Variants in PIEZO2 observed in about 807,000 individuals in gnomAD.
The protein encoded by PIEZO2 is piezo type mechanosensitive ion channel component 2, also known as piezo-type mechanosensitive ion channel component 2.
In PIEZO2, 172 loss-of-function variants were observed where a neutral mutation model predicts 337.3. The observed-to-expected ratio is 0.51, with a 90% CI of 0.45 to 0.58. PIEZO2 has a LOEUF of 0.58. Ranked by LOEUF, PIEZO2 falls within the 20% of genes least tolerant of loss-of-function variation. The pLI, the probability that PIEZO2 is intolerant of heterozygous loss-of-function variation, is 0.00. For missense variants in PIEZO2, 3,028 were observed against 3,391.3 expected (o/e 0.89, Z 2.66); for synonymous variants, 1,251 against 1,228.5 (o/e 1.02, Z -0.38).
chr18:10,994,490 A>G, intron 2 of PIEZO2, among the ~76,000 whole-genome samples: 1 of 147,944 alleles, frequency 6.8e-6, no homozygotes, highest in Middle Eastern at 3.2e-3. Flanking sequence ...GCTCACTGCA[A>G]CCTCCGCCTC....
At chr18:10,902,578 T>A (rs530906014) in intron 4 of PIEZO2, among the ~76,000 whole-genome samples, 1 of 152,190 alleles carries the variant, frequency 6.6e-6, no homozygotes, top group South Asian at 2.1e-4. Flanking sequence ...CAAAAACGTA[T>A]GAGCCACAGA....
At chr18:10,932,389 G>A (rs1426741555) in intron 3 of PIEZO2, among the ~76,000 whole-genome samples, 1 of 151,706 alleles carries the variant, frequency 6.6e-6, no homozygotes, top group African/African-American at 2.4e-5. Context: ...GAGGAAGACT[G>A]TCTCAAAAAC....
intron 39 of PIEZO2, among the ~76,000 whole-genome samples, chr18:10,711,806 TG>T (rs58718989): frequency 0.013 from 2,045 of 152,314 alleles, 52 homozygotes; most frequent in African/African-American, 0.045. Context: ...CGATTCCAGT[TG>T]AATATGATCA....
At chr18:10,891,141 T>C (rs544317325) in intron 4 of PIEZO2, among the ~76,000 whole-genome samples, 224 of 152,260 alleles carry the variant, frequency 1.5e-3, no homozygotes, top group Middle Eastern at 6.8e-3. Context: ...GAGAGCAACA[T>C]GGTGAAACCC....
Position 10,718,213 on chromosome 18 carries a change from T to C in PIEZO2, c.5076A>G (p.Lys1692=), listed in dbSNP as rs1232838479. The change falls in exon 37 of 56, where the codon AAA becomes AAG. Residue 1692 remains lysine (K), a synonymous_variant. Transcript: ENST00000674853. ...TTATTTTGTTACCTGGTCCATCGGATTTCTTTTTGATTGGTTCATCCTCCC... is the reference window on the plus strand; with the variant it reads ...TTATTTTGTTACCTGGTCCATCGGACTTCTTTTTGATTGGTTCATCCTCCC... ...EDREDEPIKK[K]SDGPDNIIKR... The C allele has an allele frequency of 6.5e-7, 1 of 1,536,870 alleles. No individual in the cohort carries two copies. The highest frequency in any genetic ancestry group is 8.7e-7 in the Non-Finnish European group (1 of 1,146,650).
rs1392673317 is a variant in PIEZO2 at position 10,863,796 on chromosome 18, T to G, written c.493-6585A>C. Among the ~76,000 whole-genome samples, 2 of 151,886 alleles carry G rather than the reference T, an allele frequency of 1.3e-5. No homozygotes were observed. Among genetic ancestry groups the G allele is most frequent in the Non-Finnish European group, 2.9e-5 (2 of 68,022 alleles). ...TGGAGACTAGCCAAATACAATTGAC[T>G]GTTTAAAGGCTTTTTTCTTTAAGAT... On this transcript the variant is annotated intron_variant, in intron 5 of 55. Transcript: ENST00000674853. The surrounding 1 kb of genome is among the most constrained non-coding windows in gnomAD (Gnocchi z 4.3).
chr18:10,846,652 A>G lies in PIEZO2; in HGVS notation c.917+8701T>C, dbSNP rs1269874054. Among the ~76,000 whole-genome samples the G allele has an allele frequency of 6.6e-6, 1 of 152,162 alleles. No individual in the cohort carries two copies. The highest frequency in any genetic ancestry group is 1.5e-5 in the Non-Finnish European group (1 of 68,008). On this transcript the variant is annotated intron_variant, in intron 7 of 55. Transcript: ENST00000674853. This position sits in a 1 kb window ranked among gnomAD's most constrained non-coding sequence, Gnocchi z 4.1. ...TGCATGAAGGGATTATTATGGCCCA[A>G]TGCAGCTGGTGTTATAAAGCAAGTT...
At chr18:11,117,765 G>C (rs573118257) in intron 1 of PIEZO2, among the ~76,000 whole-genome samples, 24 of 152,298 alleles carry the variant, frequency 1.6e-4, no homozygotes, top group African/African-American at 4.8e-4. Context: ...AATCAATGGG[G>C]CTCTTCTTTA....
chr18:10,798,358 G>C (rs113527547), intron 11 of PIEZO2, among the ~76,000 whole-genome samples: 39 of 152,336 alleles, frequency 2.6e-4, no homozygotes, highest in Non-Finnish European at 2.4e-4. Flanking sequence ...AGGTATAAAT[G>C]ACTGAAAAAT....
Position 10,980,961 on chromosome 18 carries a change from C to T in PIEZO2, c.161-1301G>A, listed in dbSNP as rs539310463. 2.6e-5 allele frequency among the ~76,000 whole-genome samples: 4 copies of T among 152,200 alleles called. No homozygotes were observed. Among genetic ancestry groups the T allele is most frequent in the Admixed American group, 6.5e-5 (1 of 15,280 alleles). On this transcript the variant is annotated intron_variant, in intron 2 of 55. Coordinates refer to ENST00000674853, the MANE Select transcript of PIEZO2 (RefSeq NM_001378183.1). This position sits in a 1 kb window ranked among gnomAD's most constrained non-coding sequence, Gnocchi z 4.8. ...TCCACTAGAAGGCCAGAAAACTAGT[C>T]GGAGGTGTGTGTGTAAGTGAGAGAG...
chr18:10,768,475 AC>A (rs980116594), intron 21 of PIEZO2, among the ~76,000 whole-genome samples: 3 of 152,150 alleles, frequency 2.0e-5, no homozygotes, highest in Non-Finnish European at 4.4e-5. Context: ...AGGGCCGGAA[AC>A]CCCCCATGCA....
At chr18:10,796,370 A>T (rs1427960065) in intron 12 of PIEZO2, among the ~76,000 whole-genome samples, 1 of 5,256 alleles carries the variant, frequency 1.9e-4, no homozygotes, top group Non-Finnish European at 5.2e-4. Context: ...ACTCCATCTC[A>T]AAAAAAAAAA....
chr18:10,686,131 T>G (rs2034535476), intron 49 of PIEZO2, among the ~76,000 whole-genome samples: 1 of 152,226 alleles, frequency 6.6e-6, no homozygotes, highest in South Asian at 2.1e-4. Context: ...TCTGTGCCCT[T>G]GTTGGGCTTG....
intron 21 of PIEZO2, among the ~76,000 whole-genome samples, chr18:10,768,098 C>T (rs1053685778): frequency 6.6e-6 from 1 of 152,046 alleles, no homozygotes; most frequent in Non-Finnish European, 1.5e-5. Flanking sequence ...AGAGCCTCTG[C>T]GAGGTGGATT....
At position 10,691,652 on chromosome 18, in the gene PIEZO2, T is replaced by C. The variant is rs150425870; in HGVS notation, c.7191-269A>G. Reference sequence around the variant, plus strand: ...TAATTAAAATAAATTATTAAGTGAATTTACTGATAAATATTTTCTCACTAT... The same window carrying C: ...TAATTAAAATAAATTATTAAGTGAACTTACTGATAAATATTTTCTCACTAT... On this transcript the variant is annotated intron_variant, in intron 47 of 55. Transcript: ENST00000674853. Among the ~76,000 whole-genome samples, 1,135 of 151,402 alleles carry C rather than the reference T, an allele frequency of 7.5e-3. 10 individuals carry two copies. The highest frequency in any genetic ancestry group is 0.014 in the Non-Finnish European group (920 of 67,912).
rs2039355445 is a variant in PIEZO2, at chr18:11,099,705, C to T, written c.65-33483G>A. ...TGATCTTGACCTCAGGTGATCTGCC[C>T]ACCTCGGCCTCCCAAAGTACTGGGA... On this transcript the variant is annotated intron_variant, in intron 1 of 55. Coordinates refer to ENST00000674853, the MANE Select transcript of PIEZO2 (RefSeq NM_001378183.1). The surrounding 1 kb of genome is among the most constrained non-coding windows in gnomAD (Gnocchi z 5.4). Among the ~76,000 whole-genome samples the T allele has an allele frequency of 6.6e-6, 1 of 152,092 alleles. No individual in the cohort carries two copies. Among genetic ancestry groups the T allele is most frequent in the Admixed American group, 6.6e-5 (1 of 15,262 alleles).
Position 11,057,146 on chromosome 18 carries a change from G to A in PIEZO2, c.160+8981C>T, listed in dbSNP as rs146573277. On this transcript the variant is annotated intron_variant, in intron 2 of 55. Coordinates refer to ENST00000674853, the MANE Select transcript of PIEZO2 (RefSeq NM_001378183.1). ...CTGGACCTTCTCCTGAGGGTCTAGCGGCTCCTGGATGGCTCTCGTTCTTGA... is the reference window on the plus strand; with the variant it reads ...CTGGACCTTCTCCTGAGGGTCTAGCAGCTCCTGGATGGCTCTCGTTCTTGA... Among the ~76,000 whole-genome samples, 895 of 152,118 alleles carry A rather than the reference G, an allele frequency of 5.9e-3. 8 individuals carry two copies. Among genetic ancestry groups the A allele is most frequent in the African/African-American group, 0.019 (799 of 41,512 alleles).
rs572048599 is a variant in PIEZO2 at position 11,038,797 on chromosome 18, A to G, written c.160+27330T>C. ...AATTAGCTCTATACAACCTATAGGT[A>G]TAACGGTGAGACACAAATTAGATAA... On this transcript the variant is annotated intron_variant, in intron 2 of 55. Coordinates refer to ENST00000674853, the MANE Select transcript of PIEZO2 (RefSeq NM_001378183.1). This position sits in a 1 kb window ranked among gnomAD's most constrained non-coding sequence, Gnocchi z 4.1. Among the ~76,000 whole-genome samples the G allele has an allele frequency of 6.6e-6, 1 of 152,378 alleles. No homozygotes were observed. The highest frequency in any genetic ancestry group is 2.4e-5 in the African/African-American group (1 of 41,596).
At chr18:11,064,158 T>A (rs943250120) in intron 2 of PIEZO2, among the ~76,000 whole-genome samples, 1 of 152,154 alleles carries the variant, frequency 6.6e-6, no homozygotes, top group African/African-American at 2.4e-5. Context: ...ACAAGATGCC[T>A]CAAAACACAG....
Sources: allele counts gnomAD v4.1 joint callset (sites outside exome capture counted in the v4.1 genomes callset), GRCh38; gene constraint gnomAD v4.1.1; non-coding constraint Gnocchi (gnomAD v3.1); transcripts MANE v1.5; gene names NCBI Gene and HGNC (gene_info 2026-07-23, HGNC 2026-07-21).